The following CSMD1 variants were observed in gnomAD, a reference collection of about 807,000 sequenced individuals.
CSMD1 encodes the protein CUB and Sushi multiple domains 1.
Under a neutral mutation model 417.5 loss-of-function variants are expected in CSMD1, and 213 were observed. That is an observed-to-expected ratio of 0.51 (90% CI 0.46 to 0.57). CSMD1 has a LOEUF of 0.57. CSMD1 is among the 20% of genes least tolerant of loss of function. CSMD1 has a pLI of 0.00. For synonymous variants in CSMD1, 2,862 were observed against 1,736.8 expected (o/e 1.65, Z -16.11); for missense variants, 6,923 against 4,529.7 (o/e 1.53, Z -15.17).
At chr8:4,640,481 T>C (rs1447497894) in intron 1 of CSMD1, among the ~76,000 whole-genome samples, 1 of 152,202 alleles carries the variant, frequency 6.6e-6, no homozygotes, top group African/African-American at 2.4e-5. Flanking sequence ...ATATAGAATC[T>C]AGATTTAAAG....
At chr8:3,929,353 T>C (rs77698442) in intron 5 of CSMD1, among the ~76,000 whole-genome samples, 1,942 of 150,678 alleles carry the variant, frequency 0.013, 142 homozygotes, top group African/African-American at 0.045. Context: ...TTTTTAATAC[T>C]AGACATTATT....
chr8:4,878,646 G>A lies in CSMD1; in HGVS notation c.85+115686C>T, dbSNP rs529393743. ...AATTATGCTCTCTCAAAATTTCAAA[G>A]GAAATTTCATTACTTGTGAAATGTG... is the stretch of plus-strand genomic sequence containing the variant. On this transcript the variant is annotated intron_variant, in intron 1 of 69. Transcript: ENST00000635120. Among the ~76,000 whole-genome samples the A allele has an allele frequency of 5.3e-5, 8 of 151,940 alleles. No homozygotes were observed. The East Asian group carries it at 1.6e-3, about 29-fold the overall frequency.
At chr8:4,519,019 A>T (rs1803280509) in intron 2 of CSMD1, among the ~76,000 whole-genome samples, 1 of 152,096 alleles carries the variant, frequency 6.6e-6, no homozygotes, top group Non-Finnish European at 1.5e-5. Flanking sequence ...ATTTCTTTTT[A>T]CCCAAACACT....
At chr8:4,279,347 G>A (rs530524471) in intron 3 of CSMD1, among the ~76,000 whole-genome samples, 1 of 152,142 alleles carries the variant, frequency 6.6e-6, no homozygotes, top group Non-Finnish European at 1.5e-5. Flanking sequence ...GACAGATACA[G>A]GTGGCAAACG....
intron 3 of CSMD1, among the ~76,000 whole-genome samples, chr8:4,207,484 A>G (rs1800049692): frequency 6.6e-6 from 1 of 152,164 alleles, no homozygotes; most frequent in South Asian, 2.1e-4. Flanking sequence ...GCCGATTAAA[A>G]TGTCTTATTC....
chr8:4,127,165 G>C (rs915150412), intron 3 of CSMD1, among the ~76,000 whole-genome samples: 2 of 151,932 alleles, frequency 1.3e-5, no homozygotes, highest in Non-Finnish European at 2.9e-5. Flanking sequence ...AGAAACAAAG[G>C]ATATTTAAAG....
At chr8:4,144,979 T>A (rs1804022999) in intron 3 of CSMD1, among the ~76,000 whole-genome samples, 1 of 151,098 alleles carries the variant, frequency 6.6e-6, no homozygotes, top group Non-Finnish European at 1.5e-5. Context: ...AGGATAGCAT[T>A]TGTTTCATAA....
intron 5 of CSMD1, among the ~76,000 whole-genome samples, chr8:3,773,202 G>T (rs867901836): frequency 2.0e-5 from 3 of 152,272 alleles, no homozygotes; most frequent in South Asian, 2.1e-4. Flanking sequence ...TTAGACGATG[G>T]CATGTACTCA....
intron 51 of CSMD1, among the ~76,000 whole-genome samples, chr8:3,021,007 T>C (rs1048972073): frequency 6.6e-6 from 1 of 152,258 alleles, no homozygotes; most frequent in Admixed American, 6.5e-5. Flanking sequence ...CCTTCAACTA[T>C]GATATTTAAA....
intron 1 of CSMD1, among the ~76,000 whole-genome samples, chr8:4,887,611 T>C (rs1563679029): frequency 6.6e-6 from 1 of 152,074 alleles, no homozygotes; most frequent in Admixed American, 6.5e-5. Flanking sequence ...TTTTTAATTC[T>C]ATTGGTTTTG....
chr8:4,968,162 C>A (rs1810003609), intron 1 of CSMD1, among the ~76,000 whole-genome samples: 1 of 152,018 alleles, frequency 6.6e-6, no homozygotes, highest in Admixed American at 6.6e-5. Flanking sequence ...TGCCATACTT[C>A]TGAAATAGGA....
At chr8:4,024,391 G>T (rs890204361) in intron 4 of CSMD1, among the ~76,000 whole-genome samples, 1 of 152,158 alleles carries the variant, frequency 6.6e-6, no homozygotes, top group Non-Finnish European at 1.5e-5. Flanking sequence ...GCTGATGGAA[G>T]TTTTACTTTC....
intron 18 of CSMD1, among the ~76,000 whole-genome samples, chr8:3,384,506 A>G (rs1005558265): frequency 6.6e-6 from 1 of 151,288 alleles, no homozygotes; most frequent in African/African-American, 2.4e-5. Context: ...TCGGTTTATC[A>G]TTAGTTTTTC....
chr8:3,956,738 C>T (rs142898960), intron 5 of CSMD1, among the ~76,000 whole-genome samples: 1,710 of 152,164 alleles, frequency 0.011, 12 homozygotes, highest in Non-Finnish European at 0.016. Context: ...TTGGGCTGAA[C>T]GTTCTTTAGC....
At chr8:4,923,894 T>C (rs562601310) in intron 1 of CSMD1, among the ~76,000 whole-genome samples, 35 of 152,214 alleles carry the variant, frequency 2.3e-4, no homozygotes, top group Non-Finnish European at 1.0e-4. Flanking sequence ...ACTTTATCTG[T>C]ATAGGTTTCT....
chr8:3,558,691 TCCACTCC>T, intron 10 of CSMD1, among the ~76,000 whole-genome samples: 1 of 151,222 alleles, frequency 6.6e-6, no homozygotes. Flanking sequence ...GTACCCCGTG[TCCACTCC>T]CGCAATGATG....
chr8:3,761,993 C>G (rs1291217055), intron 5 of CSMD1, among the ~76,000 whole-genome samples: 3 of 152,106 alleles, frequency 2.0e-5, no homozygotes, highest in Non-Finnish European at 4.4e-5. Flanking sequence ...GTGACATCAT[C>G]CACTCCTGCG....
chr8:3,536,138 G>A (rs1186942401), intron 10 of CSMD1, among the ~76,000 whole-genome samples: 1 of 152,188 alleles, frequency 6.6e-6, no homozygotes, highest in Non-Finnish European at 1.5e-5. Context: ...GTGATATCCG[G>A]ATCATCAACT....
intron 3 of CSMD1, among the ~76,000 whole-genome samples, chr8:4,278,606 T>G (rs1796612006): frequency 6.6e-6 from 1 of 152,186 alleles, no homozygotes; most frequent in Non-Finnish European, 1.5e-5. Context: ...TTAAATAAAT[T>G]CATGAATGGA....
Sources: allele counts gnomAD v4.1 joint callset (sites outside exome capture counted in the v4.1 genomes callset), GRCh38; gene constraint gnomAD v4.1.1; transcripts MANE v1.5; gene names NCBI Gene and HGNC (gene_info 2026-07-23, HGNC 2026-07-21).